PCDHGB3: variants seen among roughly 807,000 people sequenced by gnomAD.
The protein encoded by PCDHGB3 is protocadherin gamma-B3.
Under a neutral mutation model 59.2 loss-of-function variants are expected in PCDHGB3, and 40 were observed. The observed-to-expected ratio is 0.68, with a 90% CI of 0.52 to 0.88. PCDHGB3 has a LOEUF of 0.88. PCDHGB3 is among the 40% of genes least tolerant of loss of function. PCDHGB3 has a pLI of 0.00. For synonymous variants in PCDHGB3, 581 were observed against 503.6 expected, an observed-to-expected ratio of 1.15 and a Z score of -2.06; for missense variants, 1,309 against 1,187.9, an observed-to-expected ratio of 1.10 and a Z score of -1.50.
chr5:141,393,902 G>A, intron 1 of PCDHGB3: 2 of 1,613,968 alleles, frequency 1.2e-6, no homozygotes, highest in Non-Finnish European at 8.5e-7. Context: ...CTCTTCCCGG[G>A]ACAGTAATTG....
At chr5:141,384,862 T>A in intron 1 of PCDHGB3, 1 of 1,613,686 alleles carries the variant, frequency 6.2e-7, no homozygotes, top group Non-Finnish European at 8.5e-7. Context: ...GCCTCCTCTG[T>A]CAGCCACCGT....
In PCDHGB3 at chr5:141,400,210, A is replaced by C. The variant is rs201102949; in HGVS notation, c.2415+27401A>C. 1.2e-3 allele frequency: 1,976 copies of C among 1,613,732 alleles called. 4 individuals are homozygous for C. The highest frequency in any genetic ancestry group is 1.6e-3 in the Non-Finnish European group (1,832 of 1,179,862). ...TTACCTAGTGGTGGCCTTGGCCTTG[A>C]TCTCAGTGCTCTTCCTCCTGGCCGT... On this transcript the variant is annotated intron_variant, in intron 1 of 3. Coordinates refer to ENST00000576222, the MANE Select transcript of PCDHGB3 (RefSeq NM_018924.5).
chr5:141,410,710 CAT>C lies in PCDHGB3; in HGVS notation c.2415+37904_2415+37905del, dbSNP rs140431021. 1.9e-3 allele frequency: 2,785 copies of C among 1,444,504 alleles called. 45 individuals are homozygous for C. In the African/African-American group the frequency reaches 0.033, roughly 17 times the overall value. The allele number at this position is 1,444,504 out of a possible 1,614,324, so 89.5% of individuals were successfully genotyped here. On this transcript the variant is annotated intron_variant, in intron 1 of 3. Coordinates refer to ENST00000576222, the MANE Select transcript of PCDHGB3 (RefSeq NM_018924.5). ...ACTACTTTATTTTCATATCTAGAATCATATGTTTAAAATCCATAGCTTTTTAC... is the reference window on the plus strand; with the variant it reads ...ACTACTTTATTTTCATATCTAGAATCATGTTTAAAATCCATAGCTTTTTAC...
chr5:141,409,178 G>A, intron 1 of PCDHGB3: 1 of 1,613,994 alleles, frequency 6.2e-7, no homozygotes, highest in Non-Finnish European at 8.5e-7. Context: ...GGACGGAGGT[G>A]GTCTCTCTAC....
At chr5:141,433,220 T>C (rs781745522) in intron 1 of PCDHGB3, 1 of 1,509,734 alleles carries the variant, frequency 6.6e-7, no homozygotes, top group South Asian at 1.2e-5. Flanking sequence ...TTTTTTTTTT[T>C]AATTGCTCTG....
intron 1 of PCDHGB3, among the ~76,000 whole-genome samples, chr5:141,469,490 G>A (rs1346871954): frequency 3.3e-5 from 5 of 152,146 alleles, no homozygotes; most frequent in East Asian, 3.9e-4. Context: ...CAGGAGAATC[G>A]CTTGAACCCG....
intron 1 of PCDHGB3, chr5:141,442,378 GGT>G (rs2098320015): frequency 6.6e-6 from 1 of 152,334 alleles, no homozygotes; most frequent in Middle Eastern, 3.4e-3. Context: ...ATTCCTACCA[GGT>G]GTGTGCTTCT....
Position 141,422,436 on chromosome 5 carries a change from C to T in PCDHGB3, c.2415+49627C>T, listed in dbSNP as rs200737047. The T allele has an allele frequency of 1.2e-5, 20 of 1,609,634 alleles. No homozygotes were observed. The East Asian group carries it at 4.0e-4, about 32-fold the overall frequency. On this transcript the variant is annotated intron_variant, in intron 1 of 3. Coordinates refer to ENST00000576222, the MANE Select transcript of PCDHGB3 (RefSeq NM_018924.5). The stretch of plus-strand genomic sequence containing the variant: ...TAGAAAAGACTTATGGAAATTATTA[C>T]AAATTGATAACAAGCAGAGTGCTGG...
Position 141,372,129 on chromosome 5 carries a change from C to G in PCDHGB3, c.1735C>G (p.Pro579Ala), listed in dbSNP as rs62620756. The G allele has an allele frequency of 6.2e-7, 1 of 1,613,624 alleles. No homozygotes were observed. The highest frequency in any genetic ancestry group is 8.5e-7 in the Non-Finnish European group (1 of 1,179,854). ...PEGSALFDMV[P>A]RSAEPGYLVT... ...AGGCTCTGCGCTCTTCGATATGGTG[C>G]CGCGCTCTGCAGAGCCTGGCTACCT... The change falls in exon 1 of 4, where the codon CCG becomes GCG. Residue 579 changes from proline (P) to alanine (A), a missense_variant. Transcript: ENST00000576222.
intron 1 of PCDHGB3, chr5:141,375,695 G>A (rs540188136): frequency 3.1e-6 from 5 of 1,614,132 alleles, no homozygotes; most frequent in Middle Eastern, 1.6e-4. Flanking sequence ...CAGCGACAGC[G>A]GGGACCCGCC....
Position 141,371,538 on chromosome 5 carries a change from A to T in PCDHGB3, c.1144A>T (p.Ile382Phe). 1 of 1,613,804 alleles carries T rather than the reference A, an allele frequency of 6.2e-7. No homozygotes were observed. Among genetic ancestry groups the T allele is most frequent in the Non-Finnish European group, 8.5e-7 (1 of 1,179,760 alleles). The change falls in exon 1 of 4, where the codon ATC (isoleucine) becomes TTC (phenylalanine). Residue 382 changes from isoleucine (I) to phenylalanine (F), a missense_variant. Ile to Phe is a conservative substitution (Grantham distance 21, BLOSUM62 0). Coordinates refer to ENST00000576222, the MANE Select transcript of PCDHGB3 (RefSeq NM_018924.5). The part of the protein sequence containing the change: ...HDLDSGFNGE[I>F]LCQLKGNFPF... Reference sequence around the variant, plus strand: ...TCTAGATTCTGGATTTAATGGAGAAATCCTATGCCAACTAAAAGGAAACTT... The same window carrying T: ...TCTAGATTCTGGATTTAATGGAGAATTCCTATGCCAACTAAAAGGAAACTT...
At chr5:141,376,105 C>T in intron 1 of PCDHGB3, 4 of 1,613,734 alleles carry the variant, frequency 2.5e-6, no homozygotes, top group Non-Finnish European at 2.5e-6. Flanking sequence ...TCCTGGCCGA[C>T]CTGGGCAGCC....
chr5:141,487,356 C>T lies in PCDHGB3; in HGVS notation c.2416-7451C>T. 6.2e-7 allele frequency: 1 copy of T among 1,614,220 alleles called. No individual in the cohort carries two copies. The highest frequency in any genetic ancestry group is 8.5e-7 in the Non-Finnish European group (1 of 1,180,042). ...GCCTGTGGAGTCACATGCTTTCCTG[C>T]TGGCACCTGTGCCTGTCTCACCAGA... On this transcript the variant is annotated intron_variant, in intron 1 of 3. Transcript: ENST00000576222. This position sits in a 1 kb window ranked among gnomAD's most constrained non-coding sequence, Gnocchi z 5.0.
At chr5:141,484,359 T>A (rs1218120598) in intron 1 of PCDHGB3, among the ~76,000 whole-genome samples, 1 of 152,222 alleles carries the variant, frequency 6.6e-6, no homozygotes, top group Non-Finnish European at 1.5e-5. Context: ...GTGTATCTAG[T>A]GTATCACTAG....
intron 1 of PCDHGB3, chr5:141,419,487 G>T: frequency 6.2e-7 from 1 of 1,612,378 alleles, no homozygotes. Context: ...CCCGCGCTCA[G>T]CGCCAATGTG....
chr5:141,445,608 C>T (rs2098472204), intron 1 of PCDHGB3, among the ~76,000 whole-genome samples: 1 of 152,108 alleles, frequency 6.6e-6, no homozygotes, highest in South Asian at 2.1e-4. Context: ...TCAAGGAAGG[C>T]TTTCTTTTTT....
intron 1 of PCDHGB3, chr5:141,409,189 C>T (rs1216028242): frequency 6.2e-7 from 1 of 1,613,918 alleles, no homozygotes; most frequent in Admixed American, 1.7e-5. Flanking sequence ...GTCTCTCTAC[C>T]CAGTGTAAAG....
In PCDHGB3 at chr5:141,489,053, G is replaced by C; in HGVS notation, c.2416-5754G>C. 1 of 473,650 alleles carries C rather than the reference G, an allele frequency of 2.1e-6. No homozygotes were observed. Among genetic ancestry groups the C allele is most frequent in the Non-Finnish European group, 3.7e-6 (1 of 270,732 alleles). The allele number at this position is 473,650 out of a possible 1,614,324, so 29.3% of individuals were successfully genotyped here. A position where few individuals can be genotyped will look rare whatever the true frequency, so the allele number is the denominator to read the frequency against. On this transcript the variant is annotated intron_variant, in intron 1 of 3. Transcript: ENST00000576222. The surrounding 1 kb of genome is among the most constrained non-coding windows in gnomAD (Gnocchi z 4.5). ...AGCTCCCCAGCTCCACTCAAATTCA[G>C]CTCCCCTCCCCCCTGCCCACCCCCG...
At chr5:141,410,625 G>A (rs202058499) in intron 1 of PCDHGB3, 1 of 1,602,442 alleles carries the variant, frequency 6.2e-7, no homozygotes, top group Non-Finnish European at 8.5e-7. Flanking sequence ...ACTTCGGTGA[G>A]TTTCTCTTTT....
Sources: allele counts gnomAD v4.1 joint callset (sites outside exome capture counted in the v4.1 genomes callset), GRCh38; gene constraint gnomAD v4.1.1; non-coding constraint Gnocchi (gnomAD v3.1); transcripts MANE v1.5; gene names NCBI Gene and HGNC (gene_info 2026-07-23, HGNC 2026-07-21).